PCDHGA2: variants seen among roughly 807,000 people sequenced by gnomAD.
PCDHGA2 encodes protocadherin gamma subfamily A, 2.
In PCDHGA2, 40 loss-of-function variants were observed where a neutral mutation model predicts 59.2. That is an observed-to-expected ratio of 0.68 (90% CI 0.52 to 0.88). The LOEUF (loss-of-function observed/expected upper bound fraction) is 0.88, where lower values mean the gene tolerates loss of function less well. Ranked by LOEUF, PCDHGA2 falls within the 40% of genes least tolerant of loss-of-function variation. The pLI, the probability that PCDHGA2 is intolerant of heterozygous loss-of-function variation, is 0.00. For missense variants in PCDHGA2, 1,226 were observed against 1,204.0 expected (o/e 1.02, Z -0.27); for synonymous variants, 560 against 526.0 (o/e 1.06, Z -0.89).
Position 141,384,308 on chromosome 5 carries a change from C to G in PCDHGA2, c.2424+42913C>G, listed in dbSNP as rs974367218. On this transcript the variant is annotated intron_variant, in intron 1 of 3. Transcript: ENST00000394576. ...GCTGAGAACAACCCCAGAGGGGCCT[C>G]CATTTTCTTAGTGACTGCACAGGAC... The G allele has an allele frequency of 1.5e-5, 25 of 1,613,736 alleles. No homozygotes were observed. The highest frequency in any genetic ancestry group is 2.1e-5 in the Non-Finnish European group (25 of 1,179,896).
chr5:141,385,490 G>A, intron 1 of PCDHGA2: 15 of 1,399,988 alleles, frequency 1.1e-5, no homozygotes, highest in East Asian at 2.6e-5. Context: ...AGAACACATA[G>A]GATATAGTAT....
rs145718404 is a variant in PCDHGA2 at position 141,404,928 on chromosome 5, C to T, written c.2424+63533C>T. On this transcript the variant is annotated intron_variant, in intron 1 of 3. Transcript: ENST00000394576. ...CAGCCCCCTCTCTCGGCCACTGTCA[C>T]GCTCACAGTAGCCATAGCTGACAGC... The T allele has an allele frequency of 1.6e-4, 263 of 1,613,866 alleles. 1 individual carries two copies. In the African/African-American group the frequency reaches 2.2e-3, roughly 13 times the overall value.
intron 1 of PCDHGA2, among the ~76,000 whole-genome samples, chr5:141,470,142 A>G (rs1308458765): frequency 6.6e-6 from 1 of 152,044 alleles, no homozygotes; most frequent in Non-Finnish European, 1.5e-5. Context: ...AAAAAAGATC[A>G]TAGATCATCT....
rs1224477902 is a variant in PCDHGA2, at chr5:141,340,602, G to A, written c.1631G>A (p.Ser544Asn). The A allele has an allele frequency of 1.2e-6, 2 of 1,614,204 alleles. No homozygotes were observed. The highest frequency in any genetic ancestry group is 2.2e-5 in the East Asian group (1 of 44,864). Residue 544 changes from serine to asparagine, a missense_variant, in exon 1 of 4, where the codon AGC becomes AAC. Ser to Asn is a conservative substitution (Grantham distance 46). Transcript: ENST00000394576. ...GACAGCGGGAACCCTCCACTCAGTA[G>A]CAATGTATCATTAAGCCTGTTCGTG... Reference protein sequence around the residue: ...ARDSGNPPLSSNVSLSLFVLD... With the variant: ...ARDSGNPPLSNNVSLSLFVLD...
intron 1 of PCDHGA2, chr5:141,371,244 A>G (rs1767599935): frequency 1.2e-6 from 2 of 1,613,920 alleles, no homozygotes; most frequent in South Asian, 2.2e-5. Context: ...CTTCATCAAT[A>G]TTGGCAAGGA....
In PCDHGA2 at chr5:141,407,982, G is replaced by C. The variant is rs976187867; in HGVS notation, c.2424+66587G>C. On this transcript the variant is annotated intron_variant, in intron 1 of 3. Coordinates refer to ENST00000394576, the MANE Select transcript of PCDHGA2 (RefSeq NM_018915.4). Reference sequence around the variant, plus strand: ...GAGCAAGCGCTGACGCCGGGGATCCGTCAGCCTCTGGCCTGGGATTCCCTG... The same window carrying C: ...GAGCAAGCGCTGACGCCGGGGATCCCTCAGCCTCTGGCCTGGGATTCCCTG... 1.5e-4 allele frequency: 114 copies of C among 783,006 alleles called. 1 individual carries two copies. Among genetic ancestry groups the C allele is most frequent in the African/African-American group, 9.1e-4 (52 of 57,436 alleles). The allele number at this position is 783,006 out of a possible 1,614,324, so 48.5% of individuals were successfully genotyped here.
At chr5:141,421,189 C>G in intron 1 of PCDHGA2, 1 of 1,477,674 alleles carries the variant, frequency 6.8e-7, no homozygotes, top group Non-Finnish European at 9.0e-7. Flanking sequence ...CACAACCAAC[C>G]AGCTCGAGAA....
At position 141,344,380 on chromosome 5, in the gene PCDHGA2, T is replaced by A. The variant is rs778980089; in HGVS notation, c.2424+2985T>A. On this transcript the variant is annotated intron_variant, in intron 1 of 3. Transcript: ENST00000394576. ...ATTCTGGTTGAGGATAAATTGAAAA[T>A]TTTTGAAGTAGAAATAGAAATTAAA... 8 of 1,612,874 alleles carry A rather than the reference T, an allele frequency of 5.0e-6. No homozygotes were observed. The African/African-American group carries it at 9.4e-5, about 19-fold the overall frequency.
At chr5:141,417,784 G>T in intron 1 of PCDHGA2, 2 of 1,474,908 alleles carry the variant, frequency 1.4e-6, no homozygotes, top group Non-Finnish European at 9.0e-7. Context: ...GTCCTGGGCC[G>T]AATGCTCTTT....
intron 1 of PCDHGA2, chr5:141,442,507 G>C (rs1394231840): frequency 1.3e-5 from 2 of 152,208 alleles, no homozygotes; most frequent in Non-Finnish European, 1.5e-5. Flanking sequence ...TATTCTAATT[G>C]CTTGGGCAGA....
chr5:141,402,760 G>A (rs2094303871), intron 1 of PCDHGA2, among the ~76,000 whole-genome samples: 1 of 152,176 alleles, frequency 6.6e-6, no homozygotes, highest in African/African-American at 2.4e-5. Flanking sequence ...CGAAAATCAG[G>A]ACTCCATCCG....
chr5:141,423,765 G>A (rs775053869), intron 1 of PCDHGA2: 11 of 233,406 alleles, frequency 4.7e-5, no homozygotes, highest in Admixed American at 1.2e-4. Context: ...GGGGGGTGGG[G>A]CGGCATATAT....
At chr5:141,414,882 C>T (rs759814512) in intron 1 of PCDHGA2, 7 of 1,614,104 alleles carry the variant, frequency 4.3e-6, no homozygotes, top group East Asian at 4.5e-5. Context: ...TCCTGTACCC[C>T]GCCCTCCCCA....
intron 2 of PCDHGA2, among the ~76,000 whole-genome samples, chr5:141,502,829 C>A (rs1034808123): frequency 2.0e-5 from 3 of 150,428 alleles, no homozygotes; most frequent in African/African-American, 7.4e-5. Context: ...CTTGGGGAAG[C>A]CTGGACTGGC....
chr5:141,393,041 T>G, intron 1 of PCDHGA2: 2 of 1,613,702 alleles, frequency 1.2e-6, no homozygotes, highest in Non-Finnish European at 1.7e-6. Flanking sequence ...AGCTCTTTGC[T>G]CTGAACCCGC....
chr5:141,473,784 G>A (rs1457988232), intron 1 of PCDHGA2, among the ~76,000 whole-genome samples: 1 of 152,226 alleles, frequency 6.6e-6, no homozygotes, highest in Non-Finnish European at 1.5e-5. Flanking sequence ...TTTAATTCAA[G>A]AGCAGTATGA....
chr5:141,480,607 C>T (rs2099522175), intron 1 of PCDHGA2, among the ~76,000 whole-genome samples: 1 of 145,670 alleles, frequency 6.9e-6, no homozygotes, highest in Admixed American at 6.8e-5. Context: ...GCCTGGAAAG[C>T]AACTGGCATT....
intron 1 of PCDHGA2, chr5:141,403,422 C>G: frequency 6.2e-7 from 1 of 1,614,030 alleles, no homozygotes; most frequent in Non-Finnish European, 8.5e-7. Flanking sequence ...CTTCCAGAAG[C>G]TATTGATCCG....
chr5:141,339,690 C>G lies in PCDHGA2; in HGVS notation c.719C>G (p.Pro240Arg). 6.2e-7 allele frequency: 1 copy of G among 1,614,216 alleles called. No homozygotes were observed. Among genetic ancestry groups the G allele is most frequent in the Non-Finnish European group, 8.5e-7 (1 of 1,180,040 alleles). Residue 240 changes from proline (P) to arginine (R), a missense_variant, in exon 1 of 4, where the codon CCT becomes CGT. Physicochemically the swap from Pro to Arg is moderately radical, Grantham distance 103 (BLOSUM62 -2). Coordinates refer to ENST00000394576, the MANE Select transcript of PCDHGA2 (RefSeq NM_018915.4). ...GTCCTGGATGCGAACGACAATGCGC[C>G]TGTTTTTACACAGCCCGAGTACCGC... Reference protein sequence around the residue: ...VKVLDANDNAPVFTQPEYRIS... With the variant: ...VKVLDANDNARVFTQPEYRIS...
Sources: allele counts gnomAD v4.1 joint callset (sites outside exome capture counted in the v4.1 genomes callset), GRCh38; gene constraint gnomAD v4.1.1; transcripts MANE v1.5; gene names NCBI Gene and HGNC (gene_info 2026-07-23, HGNC 2026-07-21).